The following AOPEP variants were observed in gnomAD, a reference collection of about 807,000 sequenced individuals.
The protein encoded by AOPEP is aminopeptidase O (putative).
A neutral mutation model predicts 98.1 loss-of-function variants in AOPEP; 77 were observed. That is an observed-to-expected ratio of 0.78 (90% confidence interval 0.65 to 0.95). The LOEUF (loss-of-function observed/expected upper bound fraction) is 0.95, where lower values mean the gene tolerates loss of function less well. AOPEP is among the 40% of genes least tolerant of loss of function. The pLI, the probability that AOPEP is intolerant of heterozygous loss-of-function variation, is 0.00. For missense variants in AOPEP, 1,024 were observed against 1,024.7 expected (o/e 1.00, Z 0.01); for synonymous variants, 346 against 365.3 (o/e 0.95, Z 0.60).
In AOPEP at chr9:94,759,996, C is replaced by T; in HGVS notation, c.213C>T (p.Ala71=). 2 of 1,614,188 alleles carry T rather than the reference C, an allele frequency of 1.2e-6. No individual in the cohort carries two copies. The highest frequency in any genetic ancestry group is 1.1e-5 in the South Asian group (1 of 91,086). The change falls in exon 2 of 17, where the codon GCC becomes GCT. Residue 71 remains alanine, a synonymous_variant. Transcript: ENST00000375315. The part of the protein sequence containing the change: ...EEACQSESNK[A]CKFGMPEPCH... ...CCTGCCAATCAGAATCAAACAAAGC[C>T]TGCAAATTTGGGATGCCTGAACCCT... is the stretch of plus-strand genomic sequence containing the variant.
chr9:94,975,892 C>T (rs10993428), intron 10 of AOPEP, among the ~76,000 whole-genome samples: 11,805 of 152,278 alleles, frequency 0.078, 1,149 homozygotes, highest in African/African-American at 0.23. Context: ...AGGCCAGCCC[C>T]ACTGAGCTGA....
At chr9:94,848,951 G>C (rs1031356752) in intron 5 of AOPEP, among the ~76,000 whole-genome samples, 16 of 151,980 alleles carry the variant, frequency 1.1e-4, no homozygotes, top group Admixed American at 6.6e-5. Flanking sequence ...TAATTTTCTT[G>C]GTATTTTTAG....
the AOPEP span, among the ~76,000 whole-genome samples, chr9:95,096,922 C>A: frequency 6.6e-5 from 10 of 152,220 alleles, no homozygotes; most frequent in African/African-American, 2.2e-4. Flanking sequence ...GGATGTCGTT[C>A]CAGAGGGAGA....
intron 7 of AOPEP, among the ~76,000 whole-genome samples, chr9:94,940,892 T>C (rs768480316): frequency 2.2e-4 from 33 of 152,028 alleles, no homozygotes; most frequent in Non-Finnish European, 3.7e-4. Context: ...TCTGCTCCTG[T>C]CTCTTGACCA....
chr9:94,869,190 C>A (rs964701756), intron 5 of AOPEP, among the ~76,000 whole-genome samples: 2 of 152,116 alleles, frequency 1.3e-5, no homozygotes, highest in Non-Finnish European at 2.9e-5. Context: ...GACTGCGCCA[C>A]TTCACTCAAA....
At chr9:94,861,765 A>G (rs1278094269) in intron 5 of AOPEP, among the ~76,000 whole-genome samples, 1 of 152,210 alleles carries the variant, frequency 6.6e-6, no homozygotes, top group Non-Finnish European at 1.5e-5. Flanking sequence ...GTGCTTGACG[A>G]GTAGTACACC....
At chr9:95,061,299 A>G (rs989599372) in intron 14 of AOPEP, among the ~76,000 whole-genome samples, 5 of 152,234 alleles carry the variant, frequency 3.3e-5, no homozygotes, top group Non-Finnish European at 7.3e-5. Context: ...AATATCTTCT[A>G]CCTTATTGTG....
chr9:95,120,698 G>A, the AOPEP span, among the ~76,000 whole-genome samples: 4 of 152,264 alleles, frequency 2.6e-5, no homozygotes, highest in Admixed American at 6.5e-5. Context: ...AAAGTGCTGG[G>A]ATTACAGGCA....
At chr9:95,082,359 G>T (rs2069908471) in intron 15 of AOPEP, among the ~76,000 whole-genome samples, 1 of 152,214 alleles carries the variant, frequency 6.6e-6, no homozygotes, top group Admixed American at 6.5e-5. Context: ...ATTGGGAGCT[G>T]AGGATTCCTT....
chr9:95,112,295 T>G, the AOPEP span, among the ~76,000 whole-genome samples: 1 of 152,176 alleles, frequency 6.6e-6, no homozygotes, highest in Non-Finnish European at 1.5e-5. Flanking sequence ...CAGACCAGCC[T>G]GAGATCACAT....
At chr9:95,066,870 T>C (rs2067953460) in intron 14 of AOPEP, among the ~76,000 whole-genome samples, 1 of 152,232 alleles carries the variant, frequency 6.6e-6, no homozygotes. Flanking sequence ...TGGACTTTAA[T>C]TGGTGCTTCT....
At chr9:94,888,485 C>T (rs1034876449) in intron 5 of AOPEP, among the ~76,000 whole-genome samples, 1 of 152,156 alleles carries the variant, frequency 6.6e-6, no homozygotes, top group African/African-American at 2.4e-5. Flanking sequence ...TTGGTGTAAT[C>T]CACAATTTAT....
intron 14 of AOPEP, among the ~76,000 whole-genome samples, chr9:95,078,670 A>G (rs2134191497): frequency 6.6e-6 from 1 of 152,366 alleles, no homozygotes; most frequent in South Asian, 2.1e-4. Flanking sequence ...AGACCACACC[A>G]GCTTGCCTGC....
chr9:95,148,150 T>G, the AOPEP span, among the ~76,000 whole-genome samples: 2 of 152,208 alleles, frequency 1.3e-5, no homozygotes, highest in Non-Finnish European at 2.9e-5. Flanking sequence ...TATGAATGTC[T>G]GATGAAGCAG....
intron 11 of AOPEP, among the ~76,000 whole-genome samples, chr9:94,991,537 A>G (rs1389564102): frequency 2.0e-5 from 3 of 152,212 alleles, no homozygotes; most frequent in Non-Finnish European, 4.4e-5. Flanking sequence ...TCAGCCCATC[A>G]GACTAAAGCA....
intron 9 of AOPEP, among the ~76,000 whole-genome samples, chr9:94,966,598 T>C (rs916207252): frequency 2.6e-5 from 4 of 152,250 alleles, no homozygotes; most frequent in African/African-American, 9.6e-5. Context: ...TTCTTGTTTG[T>C]TTCATGTTCT....
At chr9:95,085,950 G>A (rs1023586632) in intron 16 of AOPEP, 14 of 1,337,286 alleles carry the variant, frequency 1.0e-5, no homozygotes, top group Non-Finnish European at 1.4e-5. Flanking sequence ...CGCGTCTCCT[G>A]CGCCAGCAGA....
At chr9:94,940,049 T>C (rs2056827618) in intron 7 of AOPEP, among the ~76,000 whole-genome samples, 1 of 152,200 alleles carries the variant, frequency 6.6e-6, no homozygotes, top group Non-Finnish European at 1.5e-5. Flanking sequence ...TCCAAAAATA[T>C]CGGAAGTCTG....
At chr9:94,948,362 C>T (rs1430160220) in intron 7 of AOPEP, among the ~76,000 whole-genome samples, 1 of 151,864 alleles carries the variant, frequency 6.6e-6, no homozygotes, top group Non-Finnish European at 1.5e-5. Context: ...ATTCTACTAG[C>T]TGCCTTGCAG....
Sources: allele counts gnomAD v4.1 joint callset (sites outside exome capture counted in the v4.1 genomes callset), GRCh38; gene constraint gnomAD v4.1.1; transcripts MANE v1.5; gene names NCBI Gene and HGNC (gene_info 2026-07-23, HGNC 2026-07-21).